Variants in TENM3 observed in about 807,000 individuals in gnomAD.
TENM3 encodes the protein teneurin transmembrane protein 3, also known as teneurin-3.
A neutral mutation model predicts 255.1 loss-of-function variants in TENM3; 63 were observed. The ratio of observed to expected loss-of-function variants is 0.25; its 90% CI spans 0.20 to 0.30. The LOEUF (loss-of-function observed/expected upper bound fraction) is 0.30. Ranked by LOEUF, TENM3 falls within the 10% of genes least tolerant of loss-of-function variation. TENM3 has a pLI of 1.00. For synonymous variants in TENM3, 1,306 were observed against 1,322.3 expected (o/e 0.99, Z 0.27); for missense variants, 2,929 against 3,461.1 (o/e 0.85, Z 3.86).
At chr4:181,992,841 A>T in the TENM3 span, among the ~76,000 whole-genome samples, 1 of 152,142 alleles carries the variant, frequency 6.6e-6, no homozygotes, top group African/African-American at 2.4e-5. Context: ...ATCCAATGAA[A>T]TGCCTTTATA....
At chr4:182,731,852 G>A (rs1399725153) in intron 16 of TENM3, among the ~76,000 whole-genome samples, 1 of 151,344 alleles carries the variant, frequency 6.6e-6, no homozygotes, top group African/African-American at 2.4e-5. Context: ...CACGATCTCG[G>A]CTCACTGCAA....
chr4:182,154,357 C>T (rs991030505), intron 1 of TENM3, among the ~76,000 whole-genome samples: 1 of 152,102 alleles, frequency 6.6e-6, no homozygotes, highest in Non-Finnish European at 1.5e-5. Context: ...ACATTCTCCC[C>T]TAAATCTGTG....
At chr4:181,830,538 G>A in the TENM3 span, among the ~76,000 whole-genome samples, 1 of 152,148 alleles carries the variant, frequency 6.6e-6, no homozygotes. Flanking sequence ...CTCCCAAGGT[G>A]CTGAGAGTAC....
rs117994947 is a variant in TENM3, at chr4:182,490,693, G to A, written c.512-110231G>A. Among the ~76,000 whole-genome samples the A allele has an allele frequency of 1.2e-3, 131 of 110,240 alleles. 2 individuals carry two copies. The East Asian group carries it at 0.032, about 27-fold the overall frequency. 72.3% of individuals were successfully genotyped at this position (110,240 alleles called of 152,430 possible). On this transcript the variant is annotated intron_variant, in intron 3 of 27. Coordinates refer to ENST00000511685, the MANE Select transcript of TENM3 (RefSeq NM_001080477.4). ...GCATGAAAAATACATTTAAAGTGAC[G>A]TTGTGAATGACAGAGTTTCTGAGAT...
At chr4:182,152,882 TA>T (rs879752158) in intron 1 of TENM3, among the ~76,000 whole-genome samples, 9 of 151,852 alleles carry the variant, frequency 5.9e-5, no homozygotes, top group Non-Finnish European at 1.3e-4. Context: ...AAATTTATTT[TA>T]AAAATTCTTC....
At chr4:182,232,121 T>C (rs1756620753) in intron 1 of TENM3, among the ~76,000 whole-genome samples, 1 of 152,172 alleles carries the variant, frequency 6.6e-6, no homozygotes, top group Non-Finnish European at 1.5e-5. Context: ...GAAAAATTAA[T>C]TGTTGGTAGC....
the TENM3 span, among the ~76,000 whole-genome samples, chr4:181,825,959 G>A: frequency 3.9e-5 from 6 of 152,086 alleles, no homozygotes; most frequent in Admixed American, 6.6e-5. Context: ...TATTCTAATA[G>A]TGACCCCAAA....
chr4:181,491,611 C>A, the TENM3 span, among the ~76,000 whole-genome samples: 1 of 151,912 alleles, frequency 6.6e-6, no homozygotes, highest in Non-Finnish European at 1.5e-5. Context: ...TTTAGGATTT[C>A]TTTTAAAGAT....
chr4:182,238,438 G>A (rs972183227), upstream of TENM3, among the ~76,000 whole-genome samples: 1 of 152,146 alleles, frequency 6.6e-6, no homozygotes, highest in Admixed American at 6.6e-5. Flanking sequence ...ACGCCCAGGG[G>A]AACCTGCCCT....
the TENM3 span, among the ~76,000 whole-genome samples, chr4:181,872,186 G>A: frequency 6.6e-6 from 1 of 151,184 alleles, no homozygotes; most frequent in African/African-American, 2.4e-5. Context: ...ATCCATGTAG[G>A]CTTGGAATTA....
At chr4:182,093,294 G>A in the TENM3 span, among the ~76,000 whole-genome samples, 38 of 152,250 alleles carry the variant, frequency 2.5e-4, no homozygotes, top group South Asian at 1.9e-3. Flanking sequence ...TTATTGAGAC[G>A]GGAAGTTTAT....
At chr4:182,018,652 T>G in the TENM3 span, among the ~76,000 whole-genome samples, 1 of 152,202 alleles carries the variant, frequency 6.6e-6, no homozygotes, top group Admixed American at 6.5e-5. Flanking sequence ...AAAGTGATCT[T>G]TCCTTTCAGA....
intron 1 of TENM3, among the ~76,000 whole-genome samples, chr4:182,182,720 G>A (rs1362575142): frequency 6.6e-6 from 1 of 152,140 alleles, no homozygotes; most frequent in Non-Finnish European, 1.5e-5. Flanking sequence ...TAACTTCTAT[G>A]AACCTCTATC....
intron 3 of TENM3, among the ~76,000 whole-genome samples, chr4:182,504,546 T>G (rs1000107117): frequency 1.3e-5 from 2 of 152,214 alleles, no homozygotes; most frequent in African/African-American, 4.8e-5. Flanking sequence ...ATAGGTGATT[T>G]CTTGTTTGTC....
chr4:182,442,223 T>C (rs1772544340), intron 3 of TENM3, among the ~76,000 whole-genome samples: 1 of 152,248 alleles, frequency 6.6e-6, no homozygotes, highest in Non-Finnish European at 1.5e-5. Flanking sequence ...AAACACATTC[T>C]ATATGACTAT....
the TENM3 span, among the ~76,000 whole-genome samples, chr4:181,754,949 G>T: frequency 1.3e-5 from 2 of 152,064 alleles, no homozygotes; most frequent in Non-Finnish European, 2.9e-5. Context: ...CATTATCAAG[G>T]TCACGTGTTT....
chr4:181,568,805 G>A, the TENM3 span, among the ~76,000 whole-genome samples: 4 of 152,096 alleles, frequency 2.6e-5, no homozygotes, highest in African/African-American at 9.7e-5. Context: ...ACTCCCAAGA[G>A]CAGGCTCGTC....
the TENM3 span, among the ~76,000 whole-genome samples, chr4:181,628,181 GTTGT>G: frequency 6.6e-6 from 1 of 151,642 alleles, no homozygotes. Flanking sequence ...TTTTGATGGG[GTTGT>G]TTTTTTCTTG....
At chr4:181,964,496 C>G in the TENM3 span, among the ~76,000 whole-genome samples, 3 of 151,852 alleles carry the variant, frequency 2.0e-5, no homozygotes, top group Non-Finnish European at 2.9e-5. Context: ...CTGTGTAGTA[C>G]AGTAGCATTG....
Sources: gnomAD v4.1 joint callset for allele counts (sites outside exome capture counted in the v4.1 genomes callset) on GRCh38, gnomAD v4.1.1 for gene constraint, MANE v1.5 for transcripts, NCBI Gene and HGNC (gene_info 2026-07-23, HGNC 2026-07-21) for gene names.